Variants in TK1 observed in about 807,000 individuals in gnomAD.
TK1 encodes thymidine kinase 1, also known as thymidine kinase, cytosolic.
In TK1, 13 loss-of-function variants were observed where a neutral mutation model predicts 22.4. The ratio of observed to expected loss-of-function variants is 0.58; its 90% confidence interval spans 0.38 to 0.92. The LOEUF is 0.92. Ranked by LOEUF, TK1 falls within the 40% of genes least tolerant of loss-of-function variation. TK1 has a pLI of 0.00. For synonymous variants in TK1, 134 were observed against 125.4 expected, an observed-to-expected ratio of 1.07 and a Z score of -0.46; for missense variants, 251 against 315.7, an observed-to-expected ratio of 0.80 and a Z score of 1.55.
At chr17:78,186,384 A>G (rs1286879430) in intron 2 of TK1, among the ~76,000 whole-genome samples, 1 of 152,108 alleles carries the variant, frequency 6.6e-6, no homozygotes, top group Admixed American at 6.6e-5. Context: ...GAAAGCGACT[A>G]CGTTTCCTTG....
chr17:78,186,833 G>T lies in TK1; in HGVS notation c.67-15C>A. ...CCGAGAATCACCTAGGAGAGAAGGT[G>T]AGGTCATTTGAGGGCCCGCCCTGCG... is the stretch of plus-strand genomic sequence containing the variant. On this transcript the variant is annotated splice_polypyrimidine_tract_variant and intron_variant, in intron 1 of 6. Transcript: ENST00000301634. The T allele has an allele frequency of 6.3e-7, 1 of 1,578,224 alleles. No individual in the cohort carries two copies.
Position 78,174,615 on chromosome 17 carries a change from CACACA to C in TK1, c.*139_*143del. ...GGGAGCATGCGGCAGGTGGGGCAGCCACACAAAGGAGAGTTCCCAGAAGGCCAAGG... is the reference window on the plus strand; with the variant it reads ...GGGAGCATGCGGCAGGTGGGGCAGCCAAGGAGAGTTCCCAGAAGGCCAAGG... On this transcript the variant is annotated 3_prime_UTR_variant, in exon 7 of 7. Transcript: ENST00000301634. The C allele has an allele frequency of 1.1e-6, 1 of 909,860 alleles. No individual in the cohort carries two copies. The allele number at this position is 909,860 out of a possible 1,614,324, so 56.4% of individuals were successfully genotyped here. A position where few individuals can be genotyped will look rare whatever the true frequency, so the allele number is the denominator to read the frequency against.
At chr17:78,182,195 A>G (rs2075742517) in intron 4 of TK1, among the ~76,000 whole-genome samples, 1 of 151,982 alleles carries the variant, frequency 6.6e-6, no homozygotes, top group African/African-American at 2.4e-5. Context: ...ACCAACATGG[A>G]GAAACCCCAT....
intron 4 of TK1, chr17:78,179,780 C>G: frequency 2.0e-6 from 2 of 984,218 alleles, no homozygotes; most frequent in South Asian, 9.4e-5. Flanking sequence ...TAGAACTAGA[C>G]TAAGTGTGGC....
At chr17:78,184,168 C>T (rs962375000) in intron 3 of TK1, among the ~76,000 whole-genome samples, 2 of 152,220 alleles carry the variant, frequency 1.3e-5, no homozygotes, top group Non-Finnish European at 2.9e-5. Flanking sequence ...TCACGAAGTG[C>T]GGTTAAATTC....
intron 2 of TK1, 115 bp downstream of exon 2, chr17:78,186,672 G>C (rs1015619261): frequency 4.0e-6 from 4 of 998,078 alleles, no homozygotes; most frequent in Non-Finnish European, 5.8e-6. Flanking sequence ...GGGAAGGGAA[G>C]GGGAGGGAAG....
chr17:78,187,032 A>C lies in TK1; in HGVS notation c.-38T>G. The C allele has an allele frequency of 1.3e-6, 2 of 1,585,054 alleles. No individual in the cohort carries two copies. The highest frequency in any genetic ancestry group is 1.7e-6 in the Non-Finnish European group (2 of 1,164,246). On this transcript the variant is annotated 5_prime_UTR_variant, in exon 1 of 7. Coordinates refer to ENST00000301634, the MANE Select transcript of TK1 (RefSeq NM_003258.5). ...AAGTTCACGAACCCGAGTACTCTCC[A>C]AGGCCGTCCCGCAGTAAGCCCCTGG...
At chr17:78,178,295 C>A (rs1489620496) in intron 4 of TK1, among the ~76,000 whole-genome samples, 1 of 152,240 alleles carries the variant, frequency 6.6e-6, no homozygotes, top group Non-Finnish European at 1.5e-5. Flanking sequence ...TGAAGCACAG[C>A]ACCCCCAGCT....
At chr17:78,177,612 C>A (rs372161369) in intron 4 of TK1, among the ~76,000 whole-genome samples, 1 of 150,186 alleles carries the variant, frequency 6.7e-6, no homozygotes, top group African/African-American at 2.5e-5. Context: ...CTCGCTCTGT[C>A]GCCCAGGCTG....
At chr17:78,178,019 T>A (rs545216569) in intron 4 of TK1, among the ~76,000 whole-genome samples, 6 of 151,950 alleles carry the variant, frequency 3.9e-5, no homozygotes, top group Admixed American at 3.9e-4. Context: ...TACAGGTGTG[T>A]GCCACCACGC....
Position 78,179,582 on chromosome 17 carries a change from G to A in TK1, c.303+3007C>T. 3 of 985,436 alleles carry A rather than the reference G, an allele frequency of 3.0e-6. No homozygotes were observed. The South Asian group carries it at 1.4e-4, about 46-fold the overall frequency. The allele number at this position is 985,436 out of a possible 1,614,324, so 61.0% of individuals were successfully genotyped here. On this transcript the variant is annotated intron_variant, in intron 4 of 6. Coordinates refer to ENST00000301634, the MANE Select transcript of TK1 (RefSeq NM_003258.5). ...CCCCACGGGAATGGAATTTGCAGCT[G>A]TGACTCATACAGAATGTTGGGCAAG...
chr17:78,186,990 C>T lies in TK1; in HGVS notation c.5G>A (p.Ser2Asn). 2 of 1,583,032 alleles carry T rather than the reference C, an allele frequency of 1.3e-6. No individual in the cohort carries two copies. The highest frequency in any genetic ancestry group is 1.7e-6 in the Non-Finnish European group (2 of 1,165,038). The change falls in exon 1 of 7, where the codon AGC becomes AAC. Residue 2 changes from serine (S) to asparagine (N), a missense_variant. Ser to Asn is a conservative substitution (Grantham distance 46). Coordinates refer to ENST00000301634, the MANE Select transcript of TK1 (RefSeq NM_003258.5). M[S>N]CINLPTVLPG... is the part of the protein sequence containing the mutation. ...CAGCACAGTGGGCAGGTTAATGCAG[C>T]TCATTGCGCCTCCGGGAAGTTCACG... is the stretch of plus-strand genomic sequence containing the variant.
At chr17:78,181,201 C>T (rs1455968454) in intron 4 of TK1, among the ~76,000 whole-genome samples, 1 of 152,116 alleles carries the variant, frequency 6.6e-6, no homozygotes, top group Admixed American at 6.5e-5. Flanking sequence ...GCTAAGATCA[C>T]GTCACTCCAC....
At chr17:78,175,490 T>G in intron 5 of TK1, 39 bp downstream of exon 5, 1 of 1,588,516 alleles carries the variant, frequency 6.3e-7, no homozygotes, top group South Asian at 1.1e-5. Context: ...CCTCTTGCCC[T>G]CCTCAATCCC....
Position 78,186,957 on chromosome 17 carries a change from G to A in TK1, c.38C>T (p.Ser13Phe), listed in dbSNP as rs1210815307. ...CINLPTVLPG[S>F]PSKTRGQIQV... ...GATCTGCCCCCGGGTCTTGCTGGGG[G>A]AGCCAGGCAGCACAGTGGGCAGGTT... Residue 13 changes from serine (S) to phenylalanine (F), a missense_variant, in exon 1 of 7, where the codon TCC becomes TTC. Transcript: ENST00000301634. The A allele has an allele frequency of 6.3e-7, 1 of 1,575,282 alleles. No homozygotes were observed. Among genetic ancestry groups the A allele is most frequent in the African/African-American group, 1.4e-5 (1 of 73,930 alleles).
At chr17:78,178,342 C>T (rs1219740406) in intron 4 of TK1, among the ~76,000 whole-genome samples, 1 of 152,180 alleles carries the variant, frequency 6.6e-6, no homozygotes, top group African/African-American at 2.4e-5. Context: ...CCAGGTGAGT[C>T]TCTCTTGGAT....
At position 78,175,013 on chromosome 17, in the gene TK1, C is replaced by A. The variant is rs776461283; in HGVS notation, c.513+37G>T. On this transcript the variant is annotated intron_variant, in intron 6 of 6. Coordinates refer to ENST00000301634, the MANE Select transcript of TK1 (RefSeq NM_003258.5). ...CAGGAAGGAGGCAGAGCCATACCCC[C>A]ACCCCGCCGGCCTGCAGGGAAGGCA... 3.7e-6 allele frequency: 6 copies of A among 1,610,802 alleles called. No individual in the cohort carries two copies. The South Asian group carries it at 5.5e-5, about 15-fold the overall frequency.
Position 78,174,950 on chromosome 17 carries a change from C to T in TK1, c.514G>A (p.Val172Ile). Residue 172 changes from valine (V) to isoleucine (I), a missense_variant and splice_region_variant, in exon 7 of 7, where the codon GTC becomes ATC. Transcript: ENST00000301634. Reference sequence around the variant, plus strand: ...TTGTCTGCTCCCCCAATCACCTCGACCTGGCCGCAGGGACAGGGGATGGGT... The same window carrying T: ...TTGTCTGCTCCCCCAATCACCTCGATCTGGCCGCAGGGACAGGGGATGGGT... Reference protein sequence around the residue: ...YTKRLGTEKEVEVIGGADKYH... With the variant: ...YTKRLGTEKEIEVIGGADKYH... 1 of 1,612,532 alleles carries T rather than the reference C, an allele frequency of 6.2e-7. No homozygotes were observed. The highest frequency in any genetic ancestry group is 8.5e-7 in the Non-Finnish European group (1 of 1,178,880).
chr17:78,184,074 A>C (rs111349366), intron 3 of TK1, among the ~76,000 whole-genome samples: 55 of 152,350 alleles, frequency 3.6e-4, no homozygotes, highest in African/African-American at 1.2e-3. Flanking sequence ...ACCAGGTGTA[A>C]CACCACCCTG....
Sources: gnomAD v4.1 joint callset for allele counts (sites outside exome capture counted in the v4.1 genomes callset) on GRCh38, gnomAD v4.1.1 for gene constraint, MANE v1.5 for transcripts, NCBI Gene and HGNC (gene_info 2026-07-23, HGNC 2026-07-21) for gene names.